The following ARB2A variants were observed in gnomAD, a reference collection of about 807,000 sequenced individuals.
The protein encoded by ARB2A is cotranscriptional regulator ARB2A.
the ARB2A span, among the ~76,000 whole-genome samples, chr5:93,789,354 G>A: frequency 6.6e-6 from 1 of 152,198 alleles, no homozygotes; most frequent in East Asian, 1.9e-4. Context: ...CATCACTCCG[G>A]TTAATAGCAG....
the ARB2A span, among the ~76,000 whole-genome samples, chr5:93,730,327 G>C: frequency 6.6e-6 from 1 of 152,116 alleles, no homozygotes; most frequent in African/African-American, 2.4e-5. Context: ...TTTCAGGGGA[G>C]TAAAGAATAA....
At chr5:93,628,128 G>A in the ARB2A span, among the ~76,000 whole-genome samples, 1 of 133,442 alleles carries the variant, frequency 7.5e-6, no homozygotes, top group Non-Finnish European at 1.5e-5. Flanking sequence ...TTGGCTCACT[G>A]CAACCTCCGC....
the ARB2A span, among the ~76,000 whole-genome samples, chr5:93,941,441 C>T: frequency 2.4e-3 from 359 of 152,192 alleles, no homozygotes; most frequent in African/African-American, 8.3e-3. Flanking sequence ...AAAAGAACAA[C>T]ATGACAGAAA....
At chr5:93,924,857 T>C in the ARB2A span, among the ~76,000 whole-genome samples, 1 of 152,172 alleles carries the variant, frequency 6.6e-6, no homozygotes, top group African/African-American at 2.4e-5. Context: ...TGCTTTTTCT[T>C]AGTCCACTTT....
At chr5:94,093,593 C>A in the ARB2A span, among the ~76,000 whole-genome samples, 1 of 152,134 alleles carries the variant, frequency 6.6e-6, no homozygotes, top group African/African-American at 2.4e-5. Flanking sequence ...CTTCAACATA[C>A]AAATTTTGGG....
At chr5:94,084,450 C>A in the ARB2A span, among the ~76,000 whole-genome samples, 486 of 152,162 alleles carry the variant, frequency 3.2e-3, 6 homozygotes, top group African/African-American at 0.011. Context: ...GAAAGACTCA[C>A]CAGTGTGACA....
At chr5:94,001,276 G>A in the ARB2A span, among the ~76,000 whole-genome samples, 3 of 152,056 alleles carry the variant, frequency 2.0e-5, no homozygotes, top group Non-Finnish European at 4.4e-5. Context: ...TCCTATCCAT[G>A]AACATGGTAT....
At chr5:93,808,689 TC>T in the ARB2A span, among the ~76,000 whole-genome samples, 2 of 151,938 alleles carry the variant, frequency 1.3e-5, no homozygotes, top group Non-Finnish European at 2.9e-5. Flanking sequence ...AAGCTCTCTA[TC>T]CCTGTCAAAG....
At chr5:94,021,828 T>C in the ARB2A span, among the ~76,000 whole-genome samples, 1 of 152,150 alleles carries the variant, frequency 6.6e-6, no homozygotes. Context: ...TCTCAGTACC[T>C]TCGGAGGCTG....
chr5:93,676,296 A>T, the ARB2A span, among the ~76,000 whole-genome samples: 2 of 152,152 alleles, frequency 1.3e-5, no homozygotes, highest in East Asian at 1.9e-4. Flanking sequence ...AAGACATTTT[A>T]CATTCTGGCT....
the ARB2A span, among the ~76,000 whole-genome samples, chr5:93,957,307 C>A: frequency 6.6e-6 from 1 of 152,124 alleles, no homozygotes; most frequent in Non-Finnish European, 1.5e-5. Flanking sequence ...TTTCACCTAG[C>A]ACTGCATGTT....
At chr5:93,768,195 G>T in the ARB2A span, among the ~76,000 whole-genome samples, 1 of 151,438 alleles carries the variant, frequency 6.6e-6, no homozygotes, top group East Asian at 1.9e-4. Flanking sequence ...GGGGACTTGG[G>T]GGGGAAGAGT....
At chr5:94,059,902 A>G in the ARB2A span, among the ~76,000 whole-genome samples, 162 of 152,326 alleles carry the variant, frequency 1.1e-3, no homozygotes, top group Middle Eastern at 6.8e-3. Context: ...CTTTGGGTTG[A>G]GGCAAATGAT....
chr5:94,031,918 T>A, the ARB2A span, among the ~76,000 whole-genome samples: 1,396 of 152,338 alleles, frequency 9.2e-3, 22 homozygotes, highest in African/African-American at 0.032. Flanking sequence ...CCACTTGTGC[T>A]GCTGCTCTCA....
chr5:93,642,721 A>G, the ARB2A span, among the ~76,000 whole-genome samples: 1 of 151,924 alleles, frequency 6.6e-6, no homozygotes, highest in Non-Finnish European at 1.5e-5. Context: ...AGGTCTTGCT[A>G]TGTTGCCCAG....
the ARB2A span, among the ~76,000 whole-genome samples, chr5:94,014,431 A>G: frequency 6.6e-6 from 1 of 152,210 alleles, no homozygotes; most frequent in Non-Finnish European, 1.5e-5. Flanking sequence ...AAACAAAAGA[A>G]GCCAAACAGA....
the ARB2A span, chr5:93,619,087 G>A: frequency 3.3e-5 from 5 of 152,142 alleles, no homozygotes; most frequent in African/African-American, 1.2e-4. Flanking sequence ...ATCTCTCACT[G>A]GAAGGAATGT....
the ARB2A span, among the ~76,000 whole-genome samples, chr5:94,062,014 T>C: frequency 2.0e-5 from 3 of 151,822 alleles, no homozygotes; most frequent in East Asian, 5.8e-4. Context: ...AAATCACTGT[T>C]CAATGTTAAC....
At chr5:93,796,353 T>C in the ARB2A span, among the ~76,000 whole-genome samples, 2 of 152,280 alleles carry the variant, frequency 1.3e-5, no homozygotes, top group East Asian at 1.9e-4. Flanking sequence ...GAAGCTGAAA[T>C]GGTATAGCAC....
Sources: allele counts gnomAD v4.1 joint callset (sites outside exome capture counted in the v4.1 genomes callset), GRCh38; gene constraint gnomAD v4.1.1; transcripts MANE v1.5; gene names NCBI Gene and HGNC (gene_info 2026-07-23, HGNC 2026-07-21).